Variants in MAST2 observed in about 807,000 individuals in gnomAD.
MAST2 encodes microtubule-associated serine/threonine-protein kinase 2.
Under a neutral mutation model 147.4 loss-of-function variants are expected in MAST2, and 70 were observed. That is an observed-to-expected ratio of 0.47 (90% confidence interval 0.39 to 0.58). The LOEUF (loss-of-function observed/expected upper bound fraction) is 0.58. Among genes scored for constraint, MAST2 ranks in the 20% least tolerant of loss-of-function variants. MAST2 has a pLI of 0.00. For synonymous variants in MAST2, 869 were observed against 896.8 expected (o/e 0.97, Z 0.55); for missense variants, 2,080 against 2,302.3 (o/e 0.90, Z 1.98).
At chr1:45,901,003 A>G (rs1304462028) in intron 4 of MAST2, among the ~76,000 whole-genome samples, 1 of 152,070 alleles carries the variant, frequency 6.6e-6, no homozygotes, top group Non-Finnish European at 1.5e-5. Flanking sequence ...TCTTTAGTTT[A>G]ATTAAGTCTC....
At chr1:45,938,936 T>C (rs1371494257) in intron 4 of MAST2, among the ~76,000 whole-genome samples, 1 of 152,228 alleles carries the variant, frequency 6.6e-6, no homozygotes, top group East Asian at 1.9e-4. Flanking sequence ...TTGAGTTCTT[T>C]GTATGTTCTA....
chr1:46,006,459 A>T lies in MAST2; in HGVS notation c.902+64A>T, dbSNP rs569848531. On this transcript the variant is annotated intron_variant, in intron 8 of 28. Coordinates refer to ENST00000361297, the MANE Select transcript of MAST2 (RefSeq NM_015112.3). ...ATTTCAGCTTGTTTGCATAACACAG[A>T]GGTGGGCACACTATGCTATAAGGGG... 2.0e-4 allele frequency: 304 copies of T among 1,527,032 alleles called. 1 individual carries two copies. The highest frequency in any genetic ancestry group is 4.3e-4 in the Admixed American group (23 of 53,802). 94.6% of individuals were successfully genotyped at this position (1,527,032 alleles called of 1,614,324 possible).
intron 4 of MAST2, among the ~76,000 whole-genome samples, chr1:45,937,770 A>T (rs1168511056): frequency 6.6e-6 from 1 of 151,166 alleles, no homozygotes; most frequent in African/African-American, 2.4e-5. Context: ...AAAAAAAAAA[A>T]AAAAAAAAAA....
intron 5 of MAST2, among the ~76,000 whole-genome samples, chr1:45,986,793 T>C (rs1644642974): frequency 6.6e-6 from 1 of 152,132 alleles, no homozygotes. Flanking sequence ...TTGCTGAAAT[T>C]TTAATATGTA....
At chr1:45,919,460 T>C (rs1653093678) in intron 4 of MAST2, among the ~76,000 whole-genome samples, 1 of 152,166 alleles carries the variant, frequency 6.6e-6, no homozygotes, top group Admixed American at 6.5e-5. Flanking sequence ...TGTTAGAGAA[T>C]AGTAACCTGA....
chr1:46,011,820 A>G (rs946071132), intron 10 of MAST2, among the ~76,000 whole-genome samples: 1 of 152,224 alleles, frequency 6.6e-6, no homozygotes, highest in African/African-American at 2.4e-5. Flanking sequence ...CAGGGAGTTT[A>G]AACAAATTTT....
rs71587091 is a variant in MAST2 at position 45,931,377 on chromosome 1, G to GTTTTTTTTTT, written c.501-27996_501-27987dup. Among the ~76,000 whole-genome samples the GTTTTTTTTTT allele has an allele frequency of 2.0e-3, 202 of 101,122 alleles. 4 individuals are homozygous for GTTTTTTTTTT. Among genetic ancestry groups the GTTTTTTTTTT allele is most frequent in the East Asian group, 3.5e-3 (11 of 3,114 alleles). The allele number at this position is 101,122 out of a possible 152,430, so 66.3% of individuals were successfully genotyped here. ...TCACAAAAAGGTGGTATTGTGTTCTGTTTTTTTTTTTTTTTTTTTTTTGAG... is the reference window on the plus strand; with the variant it reads ...TCACAAAAAGGTGGTATTGTGTTCTGTTTTTTTTTTTTTTTTTTTTTTTTTTTTTTTTGAG... On this transcript the variant is annotated intron_variant, in intron 4 of 28. Transcript: ENST00000361297.
intron 3 of MAST2, among the ~76,000 whole-genome samples, chr1:45,877,939 C>G (rs947075938): frequency 6.6e-6 from 1 of 152,108 alleles, no homozygotes; most frequent in African/African-American, 2.4e-5. Context: ...CACGGTGGCT[C>G]ACGCCTGTAA....
At chr1:46,015,747 C>G (rs1645909163) in intron 10 of MAST2, among the ~76,000 whole-genome samples, 1 of 152,154 alleles carries the variant, frequency 6.6e-6, no homozygotes, top group African/African-American at 2.4e-5. Flanking sequence ...ACCAGAGGTA[C>G]AAGGAGGAAT....
intron 10 of MAST2, among the ~76,000 whole-genome samples, chr1:46,018,043 C>T (rs978400200): frequency 6.6e-6 from 1 of 152,214 alleles, no homozygotes; most frequent in African/African-American, 2.4e-5. Flanking sequence ...TGGCCACTTT[C>T]AGTTCCCATC....
intron 3 of MAST2, among the ~76,000 whole-genome samples, chr1:45,848,380 T>C (rs1645512057): frequency 6.6e-6 from 1 of 152,274 alleles, no homozygotes; most frequent in African/African-American, 2.4e-5. Context: ...TCTGGGAGTC[T>C]GAAATTTTGG....
chr1:45,930,348 G>A (rs1655073995), intron 4 of MAST2, among the ~76,000 whole-genome samples: 1 of 151,684 alleles, frequency 6.6e-6, no homozygotes, highest in Non-Finnish European at 1.5e-5. Flanking sequence ...CAAAGTGCTG[G>A]GATTACAGAT....
At chr1:45,878,123 G>T (rs1441782844) in intron 3 of MAST2, among the ~76,000 whole-genome samples, 1 of 149,872 alleles carries the variant, frequency 6.7e-6, no homozygotes, top group African/African-American at 2.5e-5. Flanking sequence ...AAAATCACTT[G>T]AACCTGGGAG....
Position 46,025,727 on chromosome 1 carries a change from A to G in MAST2, c.1831A>G (p.Met611Val), listed in dbSNP as rs200570859. Residue 611 changes from methionine to valine, a missense_variant, in exon 16 of 29, where the codon ATG (methionine) becomes GTG (valine). Around this residue, in one of 4 missense-constraint regions of MAST2, gnomAD observed 209 missense variants for 309.5 expected, o/e 0.68. Transcript: ENST00000361297. ...GAATATTGGGGCCCTGCCTGTGGAC[A>G]TGGTGCGTCTATACTTTGCGGAAAC... ...LKNIGALPVD[M>V]VRLYFAETVL... The G allele has an allele frequency of 1.9e-4, 303 of 1,614,186 alleles. No homozygotes were observed. The highest frequency in any genetic ancestry group is 2.5e-4 in the Non-Finnish European group (293 of 1,180,028).
chr1:45,896,947 C>CA (rs947742262), intron 4 of MAST2, among the ~76,000 whole-genome samples: 3 of 152,186 alleles, frequency 2.0e-5, no homozygotes, highest in African/African-American at 7.2e-5. Context: ...TTGGTAAACA[C>CA]ACAGCTTCAT....
chr1:45,967,095 A>C (rs1553248122), intron 5 of MAST2, among the ~76,000 whole-genome samples: 1 of 151,014 alleles, frequency 6.6e-6, no homozygotes, highest in Non-Finnish European at 1.5e-5. Flanking sequence ...TTTTTTTGAG[A>C]GAGAGTCTCA....
At chr1:45,974,376 A>G (rs973449210) in intron 5 of MAST2, among the ~76,000 whole-genome samples, 1 of 152,188 alleles carries the variant, frequency 6.6e-6, no homozygotes, top group African/African-American at 2.4e-5. Context: ...GCGGGAGATC[A>G]TGTCAGCCCA....
chr1:46,023,238 T>C lies in MAST2; in HGVS notation c.1491T>C (p.His497=), dbSNP rs1170391851. 6.2e-7 allele frequency: 1 copy of C among 1,613,886 alleles called. No individual in the cohort carries two copies. Among genetic ancestry groups the C allele is most frequent in the Admixed American group, 1.7e-5 (1 of 60,028 alleles). ...CCTTTTCCCTTGTCTTCCAGGGCCA[T>C]GGGGCATCTCTGCCATCTAAAAAGA... The part of the protein sequence containing the change: ...TPETDDSIEG[H]GASLPSKKTP... The change falls in exon 14 of 29, where the codon CAT becomes CAC. Residue 497 remains histidine, a synonymous_variant. Transcript: ENST00000361297. This position sits in a 1 kb window ranked among gnomAD's most constrained non-coding sequence, Gnocchi z 4.9.
intron 5 of MAST2, among the ~76,000 whole-genome samples, chr1:45,965,074 G>C (rs942540876): frequency 6.6e-6 from 1 of 152,192 alleles, no homozygotes; most frequent in African/African-American, 2.4e-5. Flanking sequence ...TTGCACTGTG[G>C]TGTGAGAGAC....
Sources: gnomAD v4.1 joint callset for allele counts (sites outside exome capture counted in the v4.1 genomes callset) on GRCh38, gnomAD v4.1.1 for gene constraint, gnomAD v4.1.1 regional missense constraint, Gnocchi (gnomAD v3.1) non-coding constraint, MANE v1.5 for transcripts, NCBI Gene and HGNC (gene_info 2026-07-23, HGNC 2026-07-21) for gene names.